Variants in RBFOX1 observed in about 807,000 individuals in gnomAD.
RBFOX1 encodes RNA binding protein fox-1 homolog 1.
In RBFOX1, 8 loss-of-function variants were observed where a neutral mutation model predicts 57.7. The observed-to-expected ratio is 0.14, with a 90% CI of 0.08 to 0.25. RBFOX1 has a LOEUF of 0.25. Among genes scored for constraint, RBFOX1 ranks in the 10% least tolerant of loss-of-function variants. The pLI is 1.00. For synonymous variants in RBFOX1, 326 were observed against 222.4 expected, an observed-to-expected ratio of 1.47 and a Z score of -4.15; for missense variants, 611 against 548.5, an observed-to-expected ratio of 1.11 and a Z score of -1.14.
At chr16:6,613,574 A>G (rs1032054712) in intron 2 of RBFOX1, among the ~76,000 whole-genome samples, 3 of 152,204 alleles carry the variant, frequency 2.0e-5, no homozygotes, top group African/African-American at 7.2e-5. Flanking sequence ...GATGATTATT[A>G]AACATAATGA....
At chr16:6,535,857 G>A (rs1317517967) in intron 2 of RBFOX1, among the ~76,000 whole-genome samples, 2 of 152,100 alleles carry the variant, frequency 1.3e-5, no homozygotes, top group Non-Finnish European at 2.9e-5. Flanking sequence ...TCTCAATAGT[G>A]GCAATGTAGA....
At chr16:6,021,258 C>T (rs1389340891) in intron 1 of RBFOX1, among the ~76,000 whole-genome samples, 1 of 152,094 alleles carries the variant, frequency 6.6e-6, no homozygotes, top group African/African-American at 2.4e-5. Context: ...CCTTGACAGC[C>T]CAAGTTTAGG....
intron 4 of RBFOX1, among the ~76,000 whole-genome samples, chr16:7,103,989 TAAC>T (rs1005126040): frequency 9.2e-5 from 14 of 152,166 alleles, no homozygotes; most frequent in African/African-American, 2.9e-4. Context: ...TCCCTATTAT[TAAC>T]AACAAGAGTA....
chr16:7,696,439 T>G (rs1169805617), intron 14 of RBFOX1, among the ~76,000 whole-genome samples: 1 of 150,960 alleles, frequency 6.6e-6, no homozygotes, highest in Non-Finnish European at 1.5e-5. Flanking sequence ...CTGTGATTCA[T>G]TAGGAATTTT....
intron 3 of RBFOX1, among the ~76,000 whole-genome samples, chr16:5,821,031 C>T (rs1437603194): frequency 1.3e-5 from 2 of 152,098 alleles, no homozygotes; most frequent in Non-Finnish European, 2.9e-5. Flanking sequence ...CTGATTTTCC[C>T]TCGTTTCCCT....
At chr16:6,523,404 C>T (rs948438477) in intron 2 of RBFOX1, among the ~76,000 whole-genome samples, 1 of 152,110 alleles carries the variant, frequency 6.6e-6, no homozygotes, top group Non-Finnish European at 1.5e-5. Flanking sequence ...TGTCTATGAA[C>T]TTGGCAATGT....
At chr16:7,532,962 A>C (rs1381938082) in intron 5 of RBFOX1, among the ~76,000 whole-genome samples, 1 of 152,240 alleles carries the variant, frequency 6.6e-6, no homozygotes, top group Non-Finnish European at 1.5e-5. Flanking sequence ...CACATTAATT[A>C]ATTGCCTGCA....
intron 3 of RBFOX1, among the ~76,000 whole-genome samples, chr16:6,868,789 G>A (rs2060377184): frequency 6.6e-6 from 1 of 152,080 alleles, no homozygotes; most frequent in African/African-American, 2.4e-5. Context: ...TTAAAGATAG[G>A]TAATAAGGTT....
intron 4 of RBFOX1, among the ~76,000 whole-genome samples, chr16:7,363,763 C>G (rs915589107): frequency 6.6e-6 from 1 of 152,060 alleles, no homozygotes; most frequent in African/African-American, 2.4e-5. Context: ...CTTCTATAGA[C>G]GTTTGAGTAG....
intron 14 of RBFOX1, among the ~76,000 whole-genome samples, chr16:7,679,839 C>T (rs554235621): frequency 3.3e-4 from 50 of 152,022 alleles, no homozygotes; most frequent in Non-Finnish European, 5.6e-4. Context: ...CAGAGATTTC[C>T]CCAAAAGAAA....
chr16:7,480,704 G>GC (rs1487546086), intron 4 of RBFOX1, among the ~76,000 whole-genome samples: 11 of 152,196 alleles, frequency 7.2e-5, no homozygotes, highest in African/African-American at 2.4e-4. Flanking sequence ...ACTTTCTGCT[G>GC]CCGAGAAATC....
intron 3 of RBFOX1, among the ~76,000 whole-genome samples, chr16:6,722,933 G>C (rs2066323112): frequency 1.3e-5 from 2 of 152,130 alleles, no homozygotes; most frequent in Non-Finnish European, 1.5e-5. Flanking sequence ...GGGACTAGGG[G>C]GCCCTCTGCT....
At chr16:5,642,721 CAT>C (rs1293905866) in intron 3 of RBFOX1, among the ~76,000 whole-genome samples, 2 of 152,060 alleles carry the variant, frequency 1.3e-5, no homozygotes, top group South Asian at 2.1e-4. Context: ...GGGGAGGACT[CAT>C]GTGCTCCCGG....
intron 9 of RBFOX1, among the ~76,000 whole-genome samples, chr16:7,600,461 C>T (rs966921134): frequency 4.6e-5 from 7 of 152,050 alleles, no homozygotes; most frequent in South Asian, 2.1e-4. Context: ...ATATAGGGCC[C>T]TTTCATATCC....
In RBFOX1 at chr16:7,373,647, A is replaced by G. The variant is rs1306196144; in HGVS notation, c.28-144500A>G. Among the ~76,000 whole-genome samples, 8 of 151,986 alleles carry G rather than the reference A, an allele frequency of 5.3e-5. 1 individual carries two copies. In the East Asian group the frequency reaches 1.4e-3, roughly 27 times the overall value. On this transcript the variant is annotated intron_variant, in intron 4 of 15. Coordinates refer to ENST00000550418, the MANE Select transcript of RBFOX1 (RefSeq NM_018723.4). ...AAACAGGGCTTCTGCTATTTTGCTC[A>G]GAATAAGAAGTGGTGTCTGACCTGT...
At chr16:7,582,822 C>A (rs922158055) in intron 6 of RBFOX1, among the ~76,000 whole-genome samples, 6 of 152,144 alleles carry the variant, frequency 3.9e-5, no homozygotes, top group African/African-American at 1.4e-4. Flanking sequence ...GCTTTTCCCC[C>A]CCTTTGTCTC....
intron 1 of RBFOX1, among the ~76,000 whole-genome samples, chr16:6,185,556 C>A (rs1394903236): frequency 6.6e-6 from 1 of 152,204 alleles, no homozygotes; most frequent in Non-Finnish European, 1.5e-5. Flanking sequence ...ACGATGAAAT[C>A]GTGTTTGCAA....
chr16:6,940,073 T>G (rs2078093479), intron 3 of RBFOX1, among the ~76,000 whole-genome samples: 1 of 152,076 alleles, frequency 6.6e-6, no homozygotes, highest in Non-Finnish European at 1.5e-5. Flanking sequence ...AAAATAGTAA[T>G]CCCAGTTACT....
chr16:5,642,470 C>G (rs1362227659), intron 3 of RBFOX1, among the ~76,000 whole-genome samples: 1 of 152,168 alleles, frequency 6.6e-6, no homozygotes, highest in Non-Finnish European at 1.5e-5. Flanking sequence ...GAAAAGCCTT[C>G]TGTGTTCAAG....
Sources: gnomAD v4.1 joint callset for allele counts (sites outside exome capture counted in the v4.1 genomes callset) on GRCh38, gnomAD v4.1.1 for gene constraint, MANE v1.5 for transcripts, NCBI Gene and HGNC (gene_info 2026-07-23, HGNC 2026-07-21) for gene names.